PIGN: variants seen among roughly 807,000 people sequenced by gnomAD.
PIGN encodes GPI ethanolamine phosphate transferase 1.
A neutral mutation model predicts 125.4 loss-of-function variants in PIGN; 117 were observed. The observed-to-expected ratio is 0.93, with a 90% CI of 0.80 to 1.09. The LOEUF (loss-of-function observed/expected upper bound fraction) is 1.09. Ranked by LOEUF, PIGN falls within the 50% of genes least tolerant of loss-of-function variation. PIGN has a pLI of 0.00. For missense variants in PIGN, 1,075 were observed against 1,094.9 expected, an observed-to-expected ratio of 0.98 and a Z score of 0.26; for synonymous variants, 392 against 377.8, an observed-to-expected ratio of 1.04 and a Z score of -0.44.
At chr18:62,033,837 G>GA (rs1215098785) in intron 23 of PIGN, among the ~76,000 whole-genome samples, 3 of 152,212 alleles carry the variant, frequency 2.0e-5, no homozygotes, top group Admixed American at 6.5e-5. Context: ...GGTGAAGCCT[G>GA]TAAACAAATT....
intron 30 of PIGN, among the ~76,000 whole-genome samples, chr18:62,060,808 T>G (rs2032076131): frequency 6.6e-6 from 1 of 152,222 alleles, no homozygotes; most frequent in South Asian, 2.1e-4. Flanking sequence ...TACGTTTTTA[T>G]AGTTATGAAA....
At chr18:62,147,155 T>G in intron 8 of PIGN, 54 bp from the exon 9 acceptor site, 2 of 1,522,044 alleles carry the variant, frequency 1.3e-6, no homozygotes, top group Non-Finnish European at 1.8e-6. Flanking sequence ...AAATCAAATT[T>G]ATTCAACGTG....
intron 27 of PIGN, 110 bp from the exon 28 acceptor site, chr18:62,082,856 T>C (rs938868134): frequency 4.7e-6 from 3 of 644,536 alleles, no homozygotes; most frequent in African/African-American, 3.6e-5. Context: ...CAAGTAACTT[T>C]TATATATACT....
At position 62,072,697 on chromosome 18, in the gene PIGN, C is replaced by T; in HGVS notation, c.2648G>A (p.Gly883Asp). Residue 883 changes from glycine (G) to aspartate (D), a missense_variant, in exon 30 of 31, where the codon GGC (glycine) becomes GAC (aspartate). Around this residue, in one of 3 missense-constraint regions of PIGN, gnomAD observed 915 missense variants for 908.7 expected, o/e 1.01. Transcript: ENST00000640252. ...CCTTGTCCCAATATCAAGCCAGCTG[C>T]CATAATCCTTGACCAAGAAGAAAAA... ...LHFFFLVKDY[G>D]SWLDIGTSIS... is the part of the protein sequence containing the mutation. 6.2e-7 allele frequency: 1 copy of T among 1,602,976 alleles called. No individual in the cohort carries two copies. The highest frequency in any genetic ancestry group is 1.1e-5 in the South Asian group (1 of 88,672).
At chr18:62,062,982 T>A (rs1401784275) in intron 30 of PIGN, among the ~76,000 whole-genome samples, 1 of 145,968 alleles carries the variant, frequency 6.9e-6, no homozygotes, top group African/African-American at 2.6e-5. Context: ...AGGATAAGGC[T>A]GGAGGTACCA....
At chr18:62,071,988 C>T (rs981702101) in intron 30 of PIGN, among the ~76,000 whole-genome samples, 3 of 144,894 alleles carry the variant, frequency 2.1e-5, no homozygotes, top group African/African-American at 7.6e-5. Context: ...ATGACAGCTC[C>T]ATGCATGTTA....
At position 62,161,264 on chromosome 18, in the gene PIGN, A is replaced by C; in HGVS notation, c.90T>G (p.His30Gln). ...ATGGTGTAAACTGAGGAGTCATTCC[A>C]TGAACCAAAGGAGATGTAAAATAAA... is the stretch of plus-strand genomic sequence containing the variant. ...FDIYFTSPLV[H>Q]GMTPQFTPLP... The change falls in exon 4 of 31, where the codon CAT (histidine) becomes CAG (glutamine). Residue 30 changes from histidine (H) to glutamine (Q), a missense_variant. By Grantham distance (24) the His-to-Gln change is conservative (BLOSUM62 0). Transcript: ENST00000640252. The C allele has an allele frequency of 6.2e-7, 1 of 1,613,832 alleles. No individual in the cohort carries two copies.
chr18:62,062,373 T>C (rs2032204289), intron 30 of PIGN, among the ~76,000 whole-genome samples: 1 of 152,244 alleles, frequency 6.6e-6, no homozygotes, highest in Non-Finnish European at 1.5e-5. Flanking sequence ...TAAGGTTTCT[T>C]ATACCTGCCT....
At chr18:62,176,600 G>A (rs756712089) in intron 1 of PIGN, among the ~76,000 whole-genome samples, 1 of 151,124 alleles carries the variant, frequency 6.6e-6, no homozygotes, top group Non-Finnish European at 1.5e-5. Flanking sequence ...CTTGGCAAAA[G>A]AACATGTGGT....
chr18:62,088,162 A>G (rs72939755), intron 25 of PIGN, among the ~76,000 whole-genome samples: 25,689 of 152,202 alleles, frequency 0.17, 2,925 homozygotes, highest in Middle Eastern at 0.28. Flanking sequence ...ATTTTTGTCA[A>G]TTATACTTCA....
chr18:62,037,278 A>G (rs1039061723), downstream of PIGN, among the ~76,000 whole-genome samples: 4 of 152,240 alleles, frequency 2.6e-5, no homozygotes, highest in African/African-American at 4.8e-5. Flanking sequence ...CTCTGAGTTG[A>G]CTAGCAAATC....
rs684944 is a variant in PIGN at position 62,100,884 on chromosome 18, G to A, written c.2077+191C>T. Among the ~76,000 whole-genome samples, 147,122 of 152,304 alleles carry A rather than the reference G, an allele frequency of 0.97. 71,090 individuals carry two copies. Among genetic ancestry groups the A allele is most frequent in the East Asian group, 1 (5,187 of 5,192 alleles). On this transcript the variant is annotated intron_variant, in intron 22 of 30. Transcript: ENST00000640252. ...CATAAATATTCTATCAAATTATCTT[G>A]TTAACACATGCATGAACATAAAAAT... is the stretch of plus-strand genomic sequence containing the variant.
rs201833876 is a variant in PIGN, at chr18:62,154,567, G to A, written c.527C>T (p.Thr176Met). The change falls in exon 7 of 31, where the codon ACG becomes ATG. Residue 176 changes from threonine to methionine, a missense_variant. Physicochemically the swap from Thr to Met is moderately conservative, Grantham distance 81 (BLOSUM62 -1). Transcript: ENST00000640252. ...AACCTTAACATTATCAAAAACCCAC[G>A]TATCCAGTTTTGTTGCATCTTGAGC... ...FGAQDATKLD[T>M]WVFDNVKDFF... 1.6e-5 allele frequency: 25 copies of A among 1,551,620 alleles called. No homozygotes were observed. The highest frequency in any genetic ancestry group is 6.8e-5 in the African/African-American group (5 of 73,652).
intron 30 of PIGN, among the ~76,000 whole-genome samples, chr18:62,064,768 T>G (rs893645466): frequency 2.0e-5 from 3 of 152,208 alleles, no homozygotes; most frequent in Non-Finnish European, 4.4e-5. Context: ...AATCACTGTT[T>G]AACTTAACCT....
At chr18:62,019,533 C>CT (rs2030025854) in intron 23 of PIGN, among the ~76,000 whole-genome samples, 1 of 152,302 alleles carries the variant, frequency 6.6e-6, no homozygotes, top group East Asian at 1.9e-4. Context: ...TAAGACAAAA[C>CT]TTCTTTAAAT....
chr18:62,080,972 T>C (rs2033420850), intron 28 of PIGN, among the ~76,000 whole-genome samples: 1 of 152,138 alleles, frequency 6.6e-6, no homozygotes, highest in South Asian at 2.1e-4. Context: ...AGACACTAGA[T>C]AAATTATTAA....
intron 25 of PIGN, among the ~76,000 whole-genome samples, chr18:62,086,079 T>C (rs979273487): frequency 6.6e-6 from 1 of 152,152 alleles, no homozygotes; most frequent in Non-Finnish European, 1.5e-5. Context: ...TATTGTCTAG[T>C]AGATGTCAGA....
chr18:62,156,574 AC>A (rs2043995666), intron 6 of PIGN, among the ~76,000 whole-genome samples: 1 of 152,080 alleles, frequency 6.6e-6, no homozygotes, highest in African/African-American at 2.4e-5. Context: ...CAAGTGATCC[AC>A]CTGCCTCAGC....
chr18:62,027,307 G>T (rs1052709001), intron 23 of PIGN, among the ~76,000 whole-genome samples: 6 of 152,184 alleles, frequency 3.9e-5, no homozygotes, highest in Non-Finnish European at 7.3e-5. Context: ...TCTGAGACAG[G>T]TCTCAGTTAA....
Sources: allele counts gnomAD v4.1 joint callset (sites outside exome capture counted in the v4.1 genomes callset), GRCh38; gene constraint gnomAD v4.1.1; regional missense constraint gnomAD v4.1.1; transcripts MANE v1.5; gene names NCBI Gene and HGNC (gene_info 2026-07-23, HGNC 2026-07-21).